Variants in RASSF5 observed in about 807,000 individuals in gnomAD.
RASSF5 encodes ras association domain-containing protein 5.
A neutral mutation model predicts 40.5 loss-of-function variants in RASSF5; 25 were observed. The observed-to-expected ratio is 0.62, with a 90% CI of 0.45 to 0.86. The LOEUF is 0.86. Among genes scored for constraint, RASSF5 ranks in the 40% least tolerant of loss-of-function variants. The probability of loss-of-function intolerance (pLI) is 0.00; values close to 1 mark genes in which losing one functional copy is unlikely to be tolerated. For missense variants in RASSF5, 521 were observed against 572.8 expected (o/e 0.91, Z 0.92); for synonymous variants, 246 against 252.4 (o/e 0.97, Z 0.24).
At position 206,529,141 on chromosome 1, in the gene RASSF5, C is replaced by A. The variant is rs919813917; in HGVS notation, c.458-9031C>A. 11 of 1,510,610 alleles carry A rather than the reference C, an allele frequency of 7.3e-6. No homozygotes were observed. In the African/African-American group the frequency reaches 9.6e-5, roughly 13 times the overall value. 93.6% of individuals were successfully genotyped at this position (1,510,610 alleles called of 1,614,324 possible). ...TACAAGTGGCTGAAAGTGCCTCCTG[C>A]GATTAACCAGTTCACCCAGGCCCTG... On this transcript the variant is annotated intron_variant, in intron 1 of 5. Coordinates refer to ENST00000579436, the MANE Select transcript of RASSF5 (RefSeq NM_182663.4).
intron 2 of RASSF5, chr1:206,542,522 A>G (rs11118993): frequency 0.53 from 80,430 of 151,932 alleles, 21,616 homozygotes; most frequent in East Asian, 0.74. Flanking sequence ...TTTTCTCTTT[A>G]TAAATTACCC....
intron 2 of RASSF5, among the ~76,000 whole-genome samples, chr1:206,564,363 T>C (rs1269769330): frequency 6.6e-6 from 1 of 152,176 alleles, no homozygotes; most frequent in Non-Finnish European, 1.5e-5. Flanking sequence ...GTTCCTCCCC[T>C]CCTGCCCTCC....
At chr1:206,515,799 A>G (rs1000863432) in intron 1 of RASSF5, among the ~76,000 whole-genome samples, 1 of 152,158 alleles carries the variant, frequency 6.6e-6, no homozygotes, top group South Asian at 2.1e-4. Context: ...TGTTTTTTCT[A>G]TCCAAGTTGA....
intron 1 of RASSF5, chr1:206,528,889 T>A: frequency 1.9e-6 from 1 of 513,360 alleles, no homozygotes; most frequent in Non-Finnish European, 3.4e-6. Context: ...AATTAAAAAA[T>A]TAGCTCTCTC....
At chr1:206,557,401 A>T in intron 2 of RASSF5, 2 of 1,369,520 alleles carry the variant, frequency 1.5e-6, no homozygotes, top group Non-Finnish European at 1.9e-6. Context: ...AAAGAAACGC[A>T]GGCGGCCCGC....
In RASSF5 at chr1:206,507,632, G is replaced by A. The variant is rs1364626634; in HGVS notation, c.30G>A (p.Gln10=). Residue 10 remains glutamine (Q), a synonymous_variant, in exon 1 of 6, where the codon CAG becomes CAA. Coordinates refer to ENST00000579436, the MANE Select transcript of RASSF5 (RefSeq NM_182663.4). MAMASPAIG[Q]RPYPLLLDPE... ...CCATGGCGTCCCCGGCCATCGGGCA[G>A]CGCCCGTACCCGCTACTATTGGACC... The A allele has an allele frequency of 4.6e-6, 7 of 1,528,570 alleles. No homozygotes were observed. Among genetic ancestry groups the A allele is most frequent in the East Asian group, 2.8e-5 (1 of 36,220 alleles). 94.7% of individuals were successfully genotyped at this position (1,528,570 alleles called of 1,614,324 possible). A position where few individuals can be genotyped will look rare whatever the true frequency, so the allele number is the denominator to read the frequency against.
At chr1:206,557,224 G>A (rs1668014416) in intron 2 of RASSF5, 19 of 1,077,846 alleles carry the variant, frequency 1.8e-5, no homozygotes, top group Non-Finnish European at 2.0e-5. Context: ...CGGAGATGGC[G>A]CTCTGCACGG....
chr1:206,551,383 A>G (rs1667836272), intron 2 of RASSF5, among the ~76,000 whole-genome samples: 1 of 152,172 alleles, frequency 6.6e-6, no homozygotes, highest in Non-Finnish European at 1.5e-5. Context: ...CGTTACCCTG[A>G]GCGGACATCC....
Position 206,535,077 on chromosome 1 carries a change from G to A in RASSF5, c.458-3095G>A, listed in dbSNP as rs1553398459. 6.6e-6 allele frequency among the ~76,000 whole-genome samples: 1 copy of A among 152,214 alleles called. No homozygotes were observed. Among genetic ancestry groups the A allele is most frequent in the Non-Finnish European group, 1.5e-5 (1 of 68,036 alleles). The stretch of plus-strand genomic sequence containing the variant: ...GAAACCCTTTTTTAATTAGCCAGGT[G>A]CAGTGGTGGGCGCCTGCAGTACCAG... On this transcript the variant is annotated intron_variant, in intron 1 of 5. Transcript: ENST00000579436. The surrounding 1 kb of genome is among the most constrained non-coding windows in gnomAD (Gnocchi z 5.0).
intron 1 of RASSF5, among the ~76,000 whole-genome samples, chr1:206,516,434 G>A (rs1297632803): frequency 1.3e-5 from 2 of 152,072 alleles, no homozygotes; most frequent in East Asian, 1.9e-4. Context: ...CGGTGCATTC[G>A]GAAGGGATTT....
intron 2 of RASSF5, chr1:206,557,426 C>T (rs1553401915): frequency 3.5e-6 from 5 of 1,419,256 alleles, no homozygotes; most frequent in South Asian, 1.5e-5. Flanking sequence ...TCTGCCTGGT[C>T]CGCTACCCGA....
rs781818639 is a variant in RASSF5 at position 206,560,404 on chromosome 1, G to C, written c.579+22111G>C. On this transcript the variant is annotated intron_variant, in intron 2 of 5. Transcript: ENST00000579436. The surrounding 1 kb of genome is among the most constrained non-coding windows in gnomAD (Gnocchi z 5.1). ...AAAGGTCTCCCCATTTCATAGGAAGGGGGTGCCTAAAGGTCAGGAGACAGC... is the reference window on the plus strand; with the variant it reads ...AAAGGTCTCCCCATTTCATAGGAAGCGGGTGCCTAAAGGTCAGGAGACAGC... Among the ~76,000 whole-genome samples the C allele has an allele frequency of 6.6e-6, 1 of 152,212 alleles. No individual in the cohort carries two copies. Among genetic ancestry groups the C allele is most frequent in the Admixed American group, 6.5e-5 (1 of 15,284 alleles).
At chr1:206,526,896 G>A (rs1476172484) in intron 1 of RASSF5, among the ~76,000 whole-genome samples, 1 of 152,118 alleles carries the variant, frequency 6.6e-6, no homozygotes, top group African/African-American at 2.4e-5. Context: ...GCCATTTATT[G>A]AGCACCTACC....
chr1:206,511,606 T>A (rs575992336), intron 1 of RASSF5, among the ~76,000 whole-genome samples: 104 of 152,128 alleles, frequency 6.8e-4, no homozygotes, highest in Non-Finnish European at 1.3e-3. Flanking sequence ...AGCTGTGAAG[T>A]GTTAAGTGAT....
intron 2 of RASSF5, among the ~76,000 whole-genome samples, chr1:206,561,893 T>G (rs569267763): frequency 1.2e-3 from 178 of 151,398 alleles, no homozygotes; most frequent in African/African-American, 4.1e-3. Flanking sequence ...GGTCTTGAAC[T>G]CCTGACCTCA....
In RASSF5 at chr1:206,552,730, A is replaced by G. The variant is rs1667873843; in HGVS notation, c.579+14437A>G. 6.6e-6 allele frequency among the ~76,000 whole-genome samples: 1 copy of G among 152,176 alleles called. No homozygotes were observed. Among genetic ancestry groups the G allele is most frequent in the African/African-American group, 2.4e-5 (1 of 41,418 alleles). The stretch of plus-strand genomic sequence containing the variant: ...AACTCAGTTCATTCATCTGCAAAAT[A>G]CCTTCTTGCAGGGTTCTGAGGATTA... On this transcript the variant is annotated intron_variant, in intron 2 of 5. Transcript: ENST00000579436. The surrounding 1 kb of genome is among the most constrained non-coding windows in gnomAD (Gnocchi z 4.1).
rs782553437 is a variant in RASSF5, at chr1:206,584,491, C to G, written c.795C>G (p.Ile265Met). 1 of 1,614,156 alleles carries G rather than the reference C, an allele frequency of 6.2e-7. No individual in the cohort carries two copies. Among genetic ancestry groups the G allele is most frequent in the Non-Finnish European group, 8.5e-7 (1 of 1,180,016 alleles). The change falls in exon 4 of 6, where the codon ATC (isoleucine) becomes ATG (methionine). Residue 265 changes from isoleucine (I) to methionine (M), a missense_variant. Transcript: ENST00000579436. The surrounding 1 kb of genome is among the most constrained non-coding windows in gnomAD (Gnocchi z 4.9). ...GIRPQSIYDA[I>M]KEVNLAATTD... is the part of the protein sequence containing the mutation. Reference sequence around the variant, plus strand: ...GGCCCCAGTCCATCTATGATGCCATCAAGGAGGTGAACCTGGCGGCTACCA... The same window carrying G: ...GGCCCCAGTCCATCTATGATGCCATGAAGGAGGTGAACCTGGCGGCTACCA...
rs557676927 is a variant in RASSF5 at position 206,551,260 on chromosome 1, T to C, written c.579+12967T>C. Reference sequence around the variant, plus strand: ...TGGCACTGATTTCTTCTATTCTGACTCCTTCCCTTGATAAGAAGCTAATGG... The same window carrying C: ...TGGCACTGATTTCTTCTATTCTGACCCCTTCCCTTGATAAGAAGCTAATGG... On this transcript the variant is annotated intron_variant, in intron 2 of 5. Transcript: ENST00000579436. Among the ~76,000 whole-genome samples the C allele has an allele frequency of 1.8e-4, 27 of 152,310 alleles. 1 individual carries two copies. In the South Asian group the frequency reaches 3.7e-3, roughly 21 times the overall value.
rs1361678222 is a variant in RASSF5 at position 206,507,913 on chromosome 1, G to T, written c.311G>T (p.Arg104Leu). The T allele has an allele frequency of 2.0e-6, 3 of 1,512,596 alleles. No individual in the cohort carries two copies. The highest frequency in any genetic ancestry group is 2.6e-6 in the Non-Finnish European group (3 of 1,138,152). 93.7% of individuals were successfully genotyped at this position (1,512,596 alleles called of 1,614,324 possible). The stretch of plus-strand genomic sequence containing the variant: ...GGAGCGCCCCGACCCCGCGACGTGC[G>T]GAGCATCTTCGAGCAGCCGCAGGAT... ...RPGAPRPRDV[R>L]SIFEQPQDPR... is the part of the protein sequence containing the mutation. The change falls in exon 1 of 6, where the codon CGG becomes CTG. Residue 104 changes from arginine (R) to leucine (L), a missense_variant. This residue lies in a region of RASSF5 where 237 missense variants were observed against 212.0 expected (regional missense o/e 1.12). Transcript: ENST00000579436.
Sources: allele counts gnomAD v4.1 joint callset (sites outside exome capture counted in the v4.1 genomes callset), GRCh38; gene constraint gnomAD v4.1.1; regional missense constraint gnomAD v4.1.1; non-coding constraint Gnocchi (gnomAD v3.1); transcripts MANE v1.5; gene names NCBI Gene and HGNC (gene_info 2026-07-23, HGNC 2026-07-21).